Variants in PIK3C2A observed in about 807,000 individuals in gnomAD.
The protein encoded by PIK3C2A is phosphatidylinositol-4-phosphate 3-kinase catalytic subunit type 2 alpha.
In PIK3C2A, 97 loss-of-function variants were observed where a neutral mutation model predicts 204.5. That is an observed-to-expected ratio of 0.47 (90% CI 0.40 to 0.56). The LOEUF is 0.56. Ranked by LOEUF, PIK3C2A falls within the 20% of genes least tolerant of loss-of-function variation. The probability of loss-of-function intolerance (pLI) is 0.00; values close to 1 mark genes in which losing one functional copy is unlikely to be tolerated. For synonymous variants in PIK3C2A, 653 were observed against 664.4 expected (o/e 0.98, Z 0.26); for missense variants, 1,735 against 1,969.2 (o/e 0.88, Z 2.25).
chr11:17,102,299 T>C (rs1366421094), intron 24 of PIK3C2A, among the ~76,000 whole-genome samples: 2 of 151,768 alleles, frequency 1.3e-5, no homozygotes, highest in East Asian at 2.0e-4. Flanking sequence ...TAGCCGGGCG[T>C]GGTGGCGGGC....
At chr11:17,166,187 T>A (rs975248723) in intron 2 of PIK3C2A, among the ~76,000 whole-genome samples, 2 of 152,144 alleles carry the variant, frequency 1.3e-5, no homozygotes, top group Non-Finnish European at 2.9e-5. Context: ...TAGGGATGGG[T>A]CATACTCTGG....
At chr11:17,096,607 A>T (rs1017524553) in intron 27 of PIK3C2A, among the ~76,000 whole-genome samples, 1 of 152,252 alleles carries the variant, frequency 6.6e-6, no homozygotes, top group Admixed American at 6.5e-5. Flanking sequence ...CCAAAAATTT[A>T]AAAACTGGCA....
intron 24 of PIK3C2A, among the ~76,000 whole-genome samples, chr11:17,102,045 A>C (rs1438794572): frequency 1.3e-5 from 2 of 152,246 alleles, no homozygotes; most frequent in Non-Finnish European, 2.9e-5. Context: ...GTAGTTACAA[A>C]CATAGAAAAC....
intron 1 of PIK3C2A, among the ~76,000 whole-genome samples, chr11:17,181,346 A>AT (rs75441780): frequency 0.54 from 79,631 of 148,628 alleles, 21,670 homozygotes; most frequent in East Asian, 0.82. Flanking sequence ...CAATCATCTG[A>AT]TTTTTTTTTT....
intron 1 of PIK3C2A, chr11:17,193,902 GAAAA>G: frequency 4.2e-6 from 1 of 238,226 alleles, no homozygotes; most frequent in Non-Finnish European, 7.6e-6. Flanking sequence ...GAAAAGAAAA[GAAAA>G]GAAAAGAAAA....
At chr11:17,105,367 T>G in intron 22 of PIK3C2A, 62 bp from the exon 23 acceptor site, 1 of 1,369,374 alleles carries the variant, frequency 7.3e-7, no homozygotes, top group African/African-American at 1.5e-5. Flanking sequence ...TTTAAACATT[T>G]TTAAAAATTA....
chr11:17,123,421 G>GTTTT (rs555389887), intron 13 of PIK3C2A, among the ~76,000 whole-genome samples: 1 of 121,174 alleles, frequency 8.3e-6, no homozygotes, highest in African/African-American at 3.0e-5. Flanking sequence ...GCTAATTCTT[G>GTTTT]TTTTTTTTTT....
At chr11:17,123,999 C>A (rs1165030327) in intron 13 of PIK3C2A, among the ~76,000 whole-genome samples, 1 of 152,054 alleles carries the variant, frequency 6.6e-6, no homozygotes, top group Non-Finnish European at 1.5e-5. Flanking sequence ...TTTCTCTTGA[C>A]AAACAGGCTT....
intron 22 of PIK3C2A, among the ~76,000 whole-genome samples, chr11:17,110,074 T>A (rs1296757935): frequency 6.6e-6 from 1 of 152,088 alleles, no homozygotes; most frequent in Non-Finnish European, 1.5e-5. Flanking sequence ...CATCTCAGCC[T>A]CCTAAGCAGC....
In PIK3C2A at chr11:17,150,652, C is replaced by T. The variant is rs1850396898; in HGVS notation, c.1173G>A (p.Leu391=). The T allele has an allele frequency of 6.3e-7, 1 of 1,589,582 alleles. No homozygotes were observed. The highest frequency in any genetic ancestry group is 8.5e-7 in the Non-Finnish European group (1 of 1,170,600). The change falls in exon 4 of 33, where the codon TTG becomes TTA. Residue 391 remains leucine, a synonymous_variant. Transcript: ENST00000691414. ...MAAFCRSITK[L]KTKFPYTNHR... is the part of the protein sequence containing the mutation. ...GATTGGTATATGGAAATTTGGTCTT[C>T]AATCTGTTCACAAGAAAGAAGAAAT...
chr11:17,193,667 G>C (rs1408387085), intron 1 of PIK3C2A: 1 of 240,112 alleles, frequency 4.2e-6, no homozygotes, highest in Non-Finnish European at 8.2e-6. Context: ...CCAACATGGT[G>C]AAACCCCATC....
intron 19 of PIK3C2A, among the ~76,000 whole-genome samples, chr11:17,115,418 G>C: frequency 6.7e-6 from 1 of 149,352 alleles, no homozygotes; most frequent in East Asian, 1.9e-4. Context: ...GCAAACACCT[G>C]TGGTCCCAGC....
intron 26 of PIK3C2A, 63 bp downstream of exon 26, chr11:17,099,797 A>C (rs1436008802): frequency 1.3e-6 from 1 of 759,594 alleles, no homozygotes; most frequent in African/African-American, 1.7e-5. Flanking sequence ...TGTTTAAACT[A>C]AGGTAAAACA....
intron 13 of PIK3C2A, among the ~76,000 whole-genome samples, chr11:17,124,323 A>G (rs1428955883): frequency 6.6e-6 from 1 of 152,188 alleles, no homozygotes; most frequent in African/African-American, 2.4e-5. Flanking sequence ...ATAATTAACA[A>G]TAATTACTTA....
intron 1 of PIK3C2A, among the ~76,000 whole-genome samples, chr11:17,197,833 T>C (rs1169204445): frequency 2.0e-5 from 3 of 152,190 alleles, no homozygotes; most frequent in Non-Finnish European, 4.4e-5. Flanking sequence ...AATGTTATGG[T>C]ATATACCTGC....
At chr11:17,143,331 T>C (rs757968124) in intron 8 of PIK3C2A, among the ~76,000 whole-genome samples, 20 of 152,138 alleles carry the variant, frequency 1.3e-4, no homozygotes, top group Non-Finnish European at 2.5e-4. Flanking sequence ...ATGCTCTTTA[T>C]CTTTCACCTG....
At position 17,150,500 on chromosome 11, in the gene PIK3C2A, T is replaced by G. The variant is rs780255108; in HGVS notation, c.1325A>C (p.Asp442Ala). Reference protein sequence around the residue: ...GFQLPVTFTCDVSSTVEIIIM... With the variant: ...GFQLPVTFTCAVSSTVEIIIM... ...GGCTTGAGGAACCATAAACCTACCATCACACGTAAAAGTAACTGGTAGCTG... is the reference window on the plus strand; with the variant it reads ...GGCTTGAGGAACCATAAACCTACCAGCACACGTAAAAGTAACTGGTAGCTG... Residue 442 changes from aspartate to alanine, a missense_variant and splice_region_variant, in exon 4 of 33, where the codon GAT (aspartate) becomes GCT (alanine). This residue lies in a region of PIK3C2A where 536 missense variants were observed against 546.7 expected (regional missense o/e 0.98). Coordinates refer to ENST00000691414, the MANE Select transcript of PIK3C2A (RefSeq NM_002645.4). 14 of 1,600,310 alleles carry G rather than the reference T, an allele frequency of 8.7e-6. No homozygotes were observed. The African/African-American group carries it at 1.9e-4, about 22-fold the overall frequency.
At chr11:17,207,604 ACG>A (rs1445472662) in intron 1 of PIK3C2A, among the ~76,000 whole-genome samples, 2 of 151,636 alleles carry the variant, frequency 1.3e-5, no homozygotes, top group East Asian at 3.9e-4. Flanking sequence ...CCTGGTGGGG[ACG>A]CGGGCTCCTC....
Position 17,148,804 on chromosome 11 carries a change from C to A in PIK3C2A, c.1328-17G>T. ...TAGAACTCACTGTAAAAGAGTTAGTCATTATTTTCACTTTGCTCATTTATA... is the reference window on the plus strand; with the variant it reads ...TAGAACTCACTGTAAAAGAGTTAGTAATTATTTTCACTTTGCTCATTTATA... On this transcript the variant is annotated splice_polypyrimidine_tract_variant and intron_variant, in intron 4 of 32. Transcript: ENST00000691414. The A allele has an allele frequency of 6.3e-7, 1 of 1,598,414 alleles. No homozygotes were observed. Among genetic ancestry groups the A allele is most frequent in the South Asian group, 1.1e-5 (1 of 89,982 alleles).
Sources: gnomAD v4.1 joint callset for allele counts (sites outside exome capture counted in the v4.1 genomes callset) on GRCh38, gnomAD v4.1.1 for gene constraint, gnomAD v4.1.1 regional missense constraint, MANE v1.5 for transcripts, NCBI Gene and HGNC (gene_info 2026-07-23, HGNC 2026-07-21) for gene names.